PARD3: variants seen among roughly 807,000 people sequenced by gnomAD.
The protein encoded by PARD3 is partitioning defective 3 homolog.
A neutral mutation model predicts 155.4 loss-of-function variants in PARD3; 75 were observed. The observed-to-expected ratio is 0.48, with a 90% CI of 0.40 to 0.58. The LOEUF (loss-of-function observed/expected upper bound fraction) is 0.58, where lower values mean the gene tolerates loss of function less well. Ranked by LOEUF, PARD3 falls within the 20% of genes least tolerant of loss-of-function variation. The pLI, the probability that PARD3 is intolerant of heterozygous loss-of-function variation, is 0.00. For missense variants in PARD3, 1,642 were observed against 1,721.7 expected, an observed-to-expected ratio of 0.95 and a Z score of 0.82; for synonymous variants, 576 against 610.5, an observed-to-expected ratio of 0.94 and a Z score of 0.83.
At chr10:34,325,847 G>A (rs903478329) in intron 19 of PARD3, among the ~76,000 whole-genome samples, 1 of 151,992 alleles carries the variant, frequency 6.6e-6, no homozygotes, top group African/African-American at 2.4e-5. Context: ...ATGGGGCCTG[G>A]TGCGGTGGCT....
In PARD3 at chr10:34,135,859, C is replaced by T. The variant is rs187818469; in HGVS notation, c.3420-4276G>A. ...CTAGTGCAGGGCCCAAGAACTTACA[C>T]GTATATGAATTCAGAACATACTGCA... On this transcript the variant is annotated intron_variant, in intron 22 of 24. Coordinates refer to ENST00000374788, the MANE Select transcript of PARD3 (RefSeq NM_001184785.2). Among the ~76,000 whole-genome samples the T allele has an allele frequency of 1.3e-3, 200 of 152,282 alleles. 1 individual carries two copies. The highest frequency in any genetic ancestry group is 4.3e-3 in the African/African-American group (177 of 41,552).
intron 2 of PARD3, among the ~76,000 whole-genome samples, chr10:34,652,307 G>A (rs2093037162): frequency 6.6e-6 from 1 of 152,190 alleles, no homozygotes; most frequent in Admixed American, 6.5e-5. Flanking sequence ...AGTATGTCAA[G>A]GAGCAAGGAC....
chr10:34,650,415 T>C (rs2092971465), intron 2 of PARD3, among the ~76,000 whole-genome samples: 1 of 152,230 alleles, frequency 6.6e-6, no homozygotes, highest in Admixed American at 6.5e-5. Context: ...ATGCTGCACG[T>C]GACTGTATTT....
At chr10:34,528,548 G>C (rs977682639) in intron 2 of PARD3, among the ~76,000 whole-genome samples, 60 of 152,176 alleles carry the variant, frequency 3.9e-4, no homozygotes, top group African/African-American at 1.4e-3. Context: ...GTTTTGTTTT[G>C]TTTTGTTTTT....
intron 3 of PARD3, among the ~76,000 whole-genome samples, chr10:34,476,132 A>G (rs1324495292): frequency 1.3e-5 from 2 of 152,206 alleles, no homozygotes; most frequent in African/African-American, 4.8e-5. Flanking sequence ...CAACAAAAAT[A>G]AAATAAAATT....
chr10:34,409,738 C>T (rs956727218), intron 5 of PARD3, among the ~76,000 whole-genome samples: 2 of 152,122 alleles, frequency 1.3e-5, no homozygotes, highest in Non-Finnish European at 2.9e-5. Context: ...GGCTTGCTTA[C>T]CAGAGTAACA....
At chr10:34,234,135 C>T (rs1168702965) in intron 22 of PARD3, among the ~76,000 whole-genome samples, 1 of 152,086 alleles carries the variant, frequency 6.6e-6, no homozygotes, top group Non-Finnish European at 1.5e-5. Context: ...TAATCAATTT[C>T]TGATATAACT....
intron 2 of PARD3, among the ~76,000 whole-genome samples, chr10:34,647,309 C>G (rs1037047677): frequency 3.9e-5 from 6 of 152,210 alleles, no homozygotes; most frequent in Non-Finnish European, 8.8e-5. Context: ...TCTGGAAGAG[C>G]ACACCGCACA....
At chr10:34,383,638 C>A (rs1410623687) in intron 8 of PARD3, among the ~76,000 whole-genome samples, 3 of 152,074 alleles carry the variant, frequency 2.0e-5, no homozygotes, top group Admixed American at 6.5e-5. Flanking sequence ...TAAGAACTGG[C>A]CAACTGTTAT....
intron 22 of PARD3, among the ~76,000 whole-genome samples, chr10:34,149,216 T>C (rs970444278): frequency 6.6e-6 from 1 of 152,276 alleles, no homozygotes; most frequent in African/African-American, 2.4e-5. Context: ...ACATGAATCT[T>C]AAACTGATTT....
chr10:34,264,930 T>C (rs1350811559), intron 22 of PARD3, among the ~76,000 whole-genome samples: 1 of 152,122 alleles, frequency 6.6e-6, no homozygotes, highest in Non-Finnish European at 1.5e-5. Context: ...ATTTTTATTT[T>C]TGTAGAGACG....
intron 22 of PARD3, among the ~76,000 whole-genome samples, chr10:34,197,598 C>T (rs916990752): frequency 6.6e-6 from 1 of 152,206 alleles, no homozygotes; most frequent in Non-Finnish European, 1.5e-5. Context: ...TAGGTGTATG[C>T]TGCGTGAGCT....
intron 19 of PARD3, among the ~76,000 whole-genome samples, chr10:34,321,529 C>G (rs1459944715): frequency 6.6e-6 from 1 of 152,168 alleles, no homozygotes; most frequent in Non-Finnish European, 1.5e-5. Flanking sequence ...TAAACCTGCT[C>G]TATGCACTGA....
chr10:34,284,273 T>TC, intron 20 of PARD3, 28 bp from the exon 21 acceptor site: 2 of 1,295,686 alleles, frequency 1.5e-6, no homozygotes, highest in Non-Finnish European at 2.2e-6. Context: ...TTCTAACTTG[T>TC]CAATATATAC....
At chr10:34,765,118 T>C (rs911335238) in intron 1 of PARD3, among the ~76,000 whole-genome samples, 17 of 152,150 alleles carry the variant, frequency 1.1e-4, no homozygotes, top group African/African-American at 4.1e-4. Context: ...CACCTGCCCC[T>C]TCCCCCAAAA....
chr10:34,235,491 T>C (rs985422269), intron 22 of PARD3, among the ~76,000 whole-genome samples: 5 of 152,242 alleles, frequency 3.3e-5, no homozygotes, highest in African/African-American at 4.8e-5. Context: ...ATTTTTGTGA[T>C]GGATATGGCA....
intron 22 of PARD3, among the ~76,000 whole-genome samples, chr10:34,257,880 T>C (rs891533351): frequency 1.3e-5 from 2 of 152,236 alleles, no homozygotes; most frequent in African/African-American, 2.4e-5. Context: ...GTGTTTTATG[T>C]CACCTCAGCC....
intron 22 of PARD3, among the ~76,000 whole-genome samples, chr10:34,151,292 G>A (rs978813910): frequency 2.0e-5 from 3 of 152,062 alleles, no homozygotes; most frequent in Non-Finnish European, 2.9e-5. Flanking sequence ...ATTAATGACA[G>A]TAAGGAGCCA....
At chr10:34,602,851 AT>A (rs548786523) in intron 2 of PARD3, among the ~76,000 whole-genome samples, 47 of 152,174 alleles carry the variant, frequency 3.1e-4, no homozygotes, top group Non-Finnish European at 5.3e-4. Flanking sequence ...ATCCTCTTGA[AT>A]TTTTTTTAAA....
Sources: gnomAD v4.1 joint callset for allele counts (sites outside exome capture counted in the v4.1 genomes callset) on GRCh38, gnomAD v4.1.1 for gene constraint, MANE v1.5 for transcripts, NCBI Gene and HGNC (gene_info 2026-07-23, HGNC 2026-07-21) for gene names.